The following CFAP20DC variants were observed in gnomAD, a reference collection of about 807,000 sequenced individuals.
The protein encoded by CFAP20DC is CFAP20 domain containing, also known as protein CFAP20DC.
CFAP20DC carries 84 observed loss-of-function variants against 101.7 expected under a neutral mutation model. That is an observed-to-expected ratio of 0.83 (90% CI 0.69 to 0.99). The LOEUF is 0.99. CFAP20DC is among the 50% of genes least tolerant of loss of function. CFAP20DC has a pLI of 0.00. For missense variants in CFAP20DC, 1,007 were observed against 970.3 expected (o/e 1.04, Z -0.50); for synonymous variants, 359 against 351.2 (o/e 1.02, Z -0.25).
At chr3:58,850,671 T>C (rs1174217482) in intron 12 of CFAP20DC, among the ~76,000 whole-genome samples, 1 of 149,914 alleles carries the variant, frequency 6.7e-6, no homozygotes, top group Non-Finnish European at 1.5e-5. Context: ...TGTGAAATGA[T>C]AAACTTAGAA....
chr3:58,850,009 G>A (rs543907256), intron 12 of CFAP20DC, among the ~76,000 whole-genome samples: 70 of 152,116 alleles, frequency 4.6e-4, no homozygotes, highest in African/African-American at 1.6e-3. Flanking sequence ...AAATATGAAC[G>A]TCATTAAATA....
intron 15 of CFAP20DC, among the ~76,000 whole-genome samples, chr3:58,801,001 C>T (rs77588209): frequency 0.084 from 9,100 of 108,464 alleles, 537 homozygotes; most frequent in East Asian, 0.41. Flanking sequence ...CCTTGACAGG[C>T]GTGTGTTGAA....
intron 5 of CFAP20DC, among the ~76,000 whole-genome samples, chr3:58,921,542 A>G (rs140680565): frequency 4.3e-4 from 66 of 151,954 alleles, no homozygotes; most frequent in African/African-American, 1.3e-3. Flanking sequence ...GTGCTTGGGG[A>G]TTATCCAATT....
chr3:58,766,794 A>AG (rs35688575), intron 15 of CFAP20DC, among the ~76,000 whole-genome samples: 1 of 152,152 alleles, frequency 6.6e-6, no homozygotes, highest in Non-Finnish European at 1.5e-5. Flanking sequence ...GCCTTTGCCC[A>AG]GGCTGTGCCC....
chr3:58,842,827 G>A (rs952954405), intron 13 of CFAP20DC, among the ~76,000 whole-genome samples: 3 of 152,246 alleles, frequency 2.0e-5, no homozygotes, highest in African/African-American at 7.2e-5. Context: ...ACAACCGGCA[G>A]ACTGCCTCCT....
At position 58,831,787 on chromosome 3, in the gene CFAP20DC, C is replaced by T. The variant is rs2076410876; in HGVS notation, c.2074G>A (p.Gly692Arg). Residue 692 changes from glycine (G) to arginine (R), a missense_variant, in exon 14 of 17, where the codon GGG (glycine) becomes AGG (arginine). Gly to Arg is a moderately radical substitution (Grantham distance 125, BLOSUM62 -2). Coordinates refer to ENST00000482387, the MANE Select transcript of CFAP20DC (RefSeq NM_001394063.1). Reference protein sequence around the residue: ...WQQNEELEDAGTSHGLSASQV... With the variant: ...WQQNEELEDARTSHGLSASQV... ...GAGGCACTCAGGCCATGGGAGGTCC[C>T]AGCATCCTCCAGTTCTTCATTTTGT... 1 of 1,613,958 alleles carries T rather than the reference C, an allele frequency of 6.2e-7. No homozygotes were observed. The highest frequency in any genetic ancestry group is 1.1e-5 in the South Asian group (1 of 91,076).
At chr3:58,782,453 A>G (rs2071920388) in intron 15 of CFAP20DC, among the ~76,000 whole-genome samples, 1 of 152,078 alleles carries the variant, frequency 6.6e-6, no homozygotes, top group Non-Finnish European at 1.5e-5. Flanking sequence ...CAAAAGGAAA[A>G]AATAAAGGCA....
intron 7 of CFAP20DC, among the ~76,000 whole-genome samples, chr3:58,875,369 C>T (rs1050546441): frequency 6.6e-6 from 1 of 152,038 alleles, no homozygotes; most frequent in Non-Finnish European, 1.5e-5. Flanking sequence ...AATATTTGTG[C>T]CTTTTGTGAC....
intron 3 of CFAP20DC, among the ~76,000 whole-genome samples, chr3:59,041,793 T>G (rs958443145): frequency 1.3e-5 from 2 of 152,068 alleles, no homozygotes; most frequent in African/African-American, 4.8e-5. Flanking sequence ...CTTGAGCAAA[T>G]TAGAAAACCT....
At chr3:58,741,428 AT>A (rs2067881786), downstream of CFAP20DC, among the ~76,000 whole-genome samples, 2 of 151,758 alleles carry the variant, frequency 1.3e-5, no homozygotes, top group East Asian at 3.9e-4. Flanking sequence ...CAGTGGGGGG[AT>A]TTCAAAGAGG....
chr3:58,854,595 G>C (rs1216438086), intron 12 of CFAP20DC, among the ~76,000 whole-genome samples: 3 of 152,130 alleles, frequency 2.0e-5, no homozygotes, highest in Admixed American at 1.3e-4. Flanking sequence ...ATACTACAAG[G>C]CTACAGTAAC....
At chr3:58,945,742 G>A (rs989861710) in intron 4 of CFAP20DC, among the ~76,000 whole-genome samples, 2 of 150,738 alleles carry the variant, frequency 1.3e-5, no homozygotes, top group Non-Finnish European at 3.0e-5. Context: ...CTGTCACTGG[G>A]CTGGAGTCCA....
intron 14 of CFAP20DC, among the ~76,000 whole-genome samples, chr3:58,830,448 A>G (rs1263728913): frequency 6.6e-6 from 1 of 152,210 alleles, no homozygotes; most frequent in African/African-American, 2.4e-5. Flanking sequence ...CTTACCACAC[A>G]GAGTAGCCGT....
chr3:59,031,664 G>A (rs957493314), intron 4 of CFAP20DC, among the ~76,000 whole-genome samples: 11 of 152,098 alleles, frequency 7.2e-5, no homozygotes, highest in South Asian at 6.2e-4. Context: ...TAAAACAAAC[G>A]TATAAATTGT....
At chr3:58,951,500 G>A (rs1334105014) in intron 4 of CFAP20DC, among the ~76,000 whole-genome samples, 10 of 152,092 alleles carry the variant, frequency 6.6e-5, no homozygotes, top group Non-Finnish European at 1.2e-4. Context: ...AAGACTTGGA[G>A]CCAAGCCAAA....
intron 5 of CFAP20DC, among the ~76,000 whole-genome samples, chr3:58,922,800 T>C (rs954480287): frequency 1.3e-5 from 2 of 152,180 alleles, no homozygotes; most frequent in Admixed American, 6.5e-5. Flanking sequence ...TTATACTTCT[T>C]TGTTCTGTTT....
In CFAP20DC at chr3:58,729,432, A is replaced by G. The variant is rs2067603218; in HGVS notation, c.198-11804T>C. On this transcript the variant is annotated intron_variant, in intron 3 of 3. Transcript: ENST00000486145. This position sits in a 1 kb window ranked among gnomAD's most constrained non-coding sequence, Gnocchi z 4.4. ...CAGTAAAACAATTGATTTTTATATAATGACTTTTATCCAACAACATTAACG... is the reference window on the plus strand; with the variant it reads ...CAGTAAAACAATTGATTTTTATATAGTGACTTTTATCCAACAACATTAACG... 6.6e-6 allele frequency among the ~76,000 whole-genome samples: 1 copy of G among 152,160 alleles called. No individual in the cohort carries two copies. The highest frequency in any genetic ancestry group is 6.6e-5 in the Admixed American group (1 of 15,264).
downstream of CFAP20DC, among the ~76,000 whole-genome samples, chr3:58,739,122 TTATGAA>T (rs1174659814): frequency 1.3e-5 from 2 of 152,180 alleles, no homozygotes; most frequent in Non-Finnish European, 2.9e-5. Flanking sequence ...TGTCTATGTA[TTATGAA>T]TATATCAGTA....
chr3:58,791,261 C>G (rs1052818973), intron 15 of CFAP20DC, among the ~76,000 whole-genome samples: 1 of 152,062 alleles, frequency 6.6e-6, no homozygotes, highest in Non-Finnish European at 1.5e-5. Flanking sequence ...TCACTTTCTA[C>G]CATTTAATAA....
Sources: allele counts gnomAD v4.1 joint callset (sites outside exome capture counted in the v4.1 genomes callset), GRCh38; gene constraint gnomAD v4.1.1; non-coding constraint Gnocchi (gnomAD v3.1); transcripts MANE v1.5; gene names NCBI Gene and HGNC (gene_info 2026-07-23, HGNC 2026-07-21).